The following MYOM2 variants were observed in gnomAD, a reference collection of about 807,000 sequenced individuals.
The protein encoded by MYOM2 is myomesin 2.
MYOM2 carries 254 observed loss-of-function variants against 187.6 expected under a neutral mutation model. That is an observed-to-expected ratio of 1.35 (90% CI 1.22 to 1.50). The LOEUF (loss-of-function observed/expected upper bound fraction) is 1.50. MYOM2 is among the 40% of genes most tolerant of loss of function. The probability of loss-of-function intolerance (pLI) is 0.00; values close to 1 mark genes in which losing one functional copy is unlikely to be tolerated. For missense variants in MYOM2, 2,796 were observed against 1,924.0 expected (o/e 1.45, Z -8.48); for synonymous variants, 981 against 753.8 (o/e 1.30, Z -4.94).
intron 6 of MYOM2, among the ~76,000 whole-genome samples, chr8:2,064,189 C>T (rs980375271): frequency 5.3e-5 from 8 of 152,308 alleles, no homozygotes; most frequent in African/African-American, 9.6e-5. Flanking sequence ...TTCCCGGCCT[C>T]GGGGCAGGCA....
At position 2,143,401 on chromosome 8, in the gene MYOM2, A is replaced by G. The variant is rs763400998; in HGVS notation, c.4025A>G (p.Asn1342Ser). ...QFKAAAFAEKNRGRLIGGLPD... is the reference protein window; with the variant it reads ...QFKAAAFAEKSRGRLIGGLPD... ...TAACCAAGGTGCTTTCCCGTTGCAG[A>G]TCGTGGCAGGTTGATCGGCGGCTTG... The change falls in exon 36 of 37, where the codon AAT becomes AGT. Residue 1342 changes from asparagine (N) to serine (S), a missense_variant and splice_region_variant. Physicochemically the swap from Asn to Ser is conservative, Grantham distance 46. Coordinates refer to ENST00000262113, the MANE Select transcript of MYOM2 (RefSeq NM_003970.4). The G allele has an allele frequency of 2.5e-6, 4 of 1,613,972 alleles. No homozygotes were observed. The South Asian group carries it at 3.3e-5, about 13-fold the overall frequency.
At chr8:2,060,689 T>C (rs1051771728) in intron 6 of MYOM2, among the ~76,000 whole-genome samples, 6 of 152,200 alleles carry the variant, frequency 3.9e-5, no homozygotes, top group African/African-American at 1.4e-4. Context: ...CAAATGTTGA[T>C]TGATCATCCT....
intron 36 of MYOM2, among the ~76,000 whole-genome samples, chr8:2,144,224 T>A (rs1299285817): frequency 6.6e-6 from 1 of 152,212 alleles, no homozygotes; most frequent in African/African-American, 2.4e-5. Context: ...AAGAATGCAT[T>A]TTTTTGCCTC....
chr8:2,100,064 CCTT>C (rs1433183432), intron 19 of MYOM2, among the ~76,000 whole-genome samples: 1 of 102,928 alleles, frequency 9.7e-6, no homozygotes, highest in Admixed American at 9.2e-5. Flanking sequence ...TTCCTTCCTT[CCTT>C]CTTTCCTTCC....
intron 32 of MYOM2, among the ~76,000 whole-genome samples, chr8:2,130,858 C>G (rs1288347413): frequency 6.6e-6 from 1 of 152,226 alleles, no homozygotes; most frequent in African/African-American, 2.4e-5. Context: ...TTTTGTGGGA[C>G]AATGAGTAAA....
chr8:2,098,349 T>C (rs1284943248), intron 18 of MYOM2, among the ~76,000 whole-genome samples: 1 of 152,092 alleles, frequency 6.6e-6, no homozygotes, highest in Non-Finnish European at 1.5e-5. Flanking sequence ...GGCCCCAGAC[T>C]GCAGCACCCC....
At chr8:2,107,804 C>T (rs556523387) in intron 23 of MYOM2, among the ~76,000 whole-genome samples, 16 of 152,290 alleles carry the variant, frequency 1.1e-4, no homozygotes, top group African/African-American at 2.6e-4. Flanking sequence ...TGTACCTTCA[C>T]GACATCCTGA....
chr8:2,141,039 A>T (rs1585982172), intron 33 of MYOM2, 102 bp from the exon 34 acceptor site: 1 of 1,341,920 alleles, frequency 7.5e-7, no homozygotes, highest in Non-Finnish European at 1.0e-6. Flanking sequence ...CTTTTTTTAT[A>T]TATCAGTTTT....
At chr8:2,143,261 C>T in intron 35 of MYOM2, 140 bp from the exon 36 acceptor site, 2 of 968,626 alleles carry the variant, frequency 2.1e-6, no homozygotes, top group Non-Finnish European at 3.2e-6. Context: ...ACATATAAAC[C>T]TTTTTCTTTG....
intron 1 of MYOM2, among the ~76,000 whole-genome samples, chr8:2,047,322 T>A (rs531067522): frequency 1.1e-4 from 16 of 152,208 alleles, no homozygotes; most frequent in African/African-American, 3.9e-4. Flanking sequence ...CTGGGGAAGT[T>A]CTAACATAGG....
At chr8:2,125,632 G>A (rs570454199) in intron 31 of MYOM2, among the ~76,000 whole-genome samples, 6 of 101,810 alleles carry the variant, frequency 5.9e-5, no homozygotes, top group East Asian at 3.4e-4. Context: ...TTTTTGAGAC[G>A]GAGTCTTTCC....
chr8:2,102,908 G>A, intron 21 of MYOM2, 127 bp downstream of exon 21: 2 of 701,850 alleles, frequency 2.8e-6, no homozygotes, highest in South Asian at 1.8e-5. Flanking sequence ...ATGTGTGTAT[G>A]TGTGGATGGG....
At position 2,080,017 on chromosome 8, in the gene MYOM2, T is replaced by C. The variant is rs1819566809; in HGVS notation, c.1516+404T>C. On this transcript the variant is annotated intron_variant, in intron 13 of 36. Transcript: ENST00000262113. The stretch of plus-strand genomic sequence containing the variant: ...CTAAGCAAAAATTTTATTCCTGACA[T>C]TTTAACTGAAATGGATTGAGTCTTT... Among the ~76,000 whole-genome samples, 4 of 152,262 alleles carry C rather than the reference T, an allele frequency of 2.6e-5. No homozygotes were observed. In the South Asian group the frequency reaches 8.3e-4, roughly 31 times the overall value.
At chr8:2,072,935 A>G (rs755896058) in intron 9 of MYOM2, among the ~76,000 whole-genome samples, 3 of 152,190 alleles carry the variant, frequency 2.0e-5, no homozygotes, top group African/African-American at 4.8e-5. Flanking sequence ...TGGAGGGTCT[A>G]TGCTGGGTTC....
Position 2,090,047 on chromosome 8 carries a change from C to G in MYOM2, c.1684C>G (p.Gln562Glu). The change falls in exon 15 of 37, where the codon CAG becomes GAG. Residue 562 changes from glutamine to glutamate, a missense_variant. Gln to Glu is a conservative substitution (Grantham distance 29, BLOSUM62 2). Coordinates refer to ENST00000262113, the MANE Select transcript of MYOM2 (RefSeq NM_003970.4). Reference sequence around the variant, plus strand: ...CGGCAGCTGGCAGAGAGTCAACGCCCAGACGGCTGTGAGATCCCCGAGATA... The same window carrying G: ...CGGCAGCTGGCAGAGAGTCAACGCCGAGACGGCTGTGAGATCCCCGAGATA... Reference protein sequence around the residue: ...GSGSWQRVNAQTAVRSPRYAV... With the variant: ...GSGSWQRVNAETAVRSPRYAV... 1.2e-6 allele frequency: 2 copies of G among 1,614,028 alleles called. No homozygotes were observed. Among genetic ancestry groups the G allele is most frequent in the Admixed American group, 1.7e-5 (1 of 60,006 alleles).
intron 14 of MYOM2, among the ~76,000 whole-genome samples, chr8:2,086,504 C>CGTGATCTCCGCGTGGCCCCCCACTGTT (rs1796077706): frequency 2.3e-5 from 2 of 85,364 alleles, no homozygotes; most frequent in African/African-American, 6.7e-5. Flanking sequence ...CCCCCACTGT[C>CGTGATCTCCGCGTGGCCCCCCACTGTT]GTGATCTCTG....
At chr8:2,096,642 C>T (rs1203536815) in intron 18 of MYOM2, among the ~76,000 whole-genome samples, 1 of 152,146 alleles carries the variant, frequency 6.6e-6, no homozygotes, top group African/African-American at 2.4e-5. Flanking sequence ...AAGAAGGGAG[C>T]TCAGTGATGG....
chr8:2,131,118 C>G (rs187932581), intron 32 of MYOM2, among the ~76,000 whole-genome samples: 10 of 152,142 alleles, frequency 6.6e-5, no homozygotes, highest in Admixed American at 3.3e-4. Context: ...TAAACACACA[C>G]CCACACACAG....
At chr8:2,135,775 T>G (rs181293058) in intron 32 of MYOM2, among the ~76,000 whole-genome samples, 1 of 152,346 alleles carries the variant, frequency 6.6e-6, no homozygotes, top group Admixed American at 6.5e-5. Context: ...AATATCCCTA[T>G]ATGTCCAAGT....
Sources: allele counts gnomAD v4.1 joint callset (sites outside exome capture counted in the v4.1 genomes callset), GRCh38; gene constraint gnomAD v4.1.1; transcripts MANE v1.5; gene names NCBI Gene and HGNC (gene_info 2026-07-23, HGNC 2026-07-21).